The following ADAMTSL1 variants were observed in gnomAD, a reference collection of about 807,000 sequenced individuals.
ADAMTSL1 encodes ADAMTS-like protein 1.
ADAMTSL1 carries 126 observed loss-of-function variants against 201.8 expected under a neutral mutation model. The ratio of observed to expected loss-of-function variants is 0.62; its 90% CI spans 0.54 to 0.72. The LOEUF (loss-of-function observed/expected upper bound fraction) is 0.72, where lower values mean the gene tolerates loss of function less well. Ranked by LOEUF, ADAMTSL1 falls within the 30% of genes least tolerant of loss-of-function variation. The pLI, the probability that ADAMTSL1 is intolerant of heterozygous loss-of-function variation, is 0.00. For missense variants in ADAMTSL1, 2,679 were observed against 2,277.8 expected (o/e 1.18, Z -3.59); for synonymous variants, 1,121 against 903.4 (o/e 1.24, Z -4.32).
At chr9:18,006,218 A>G (rs1245749758) in intron 1 of ADAMTSL1, among the ~76,000 whole-genome samples, 1 of 152,028 alleles carries the variant, frequency 6.6e-6, no homozygotes, top group Non-Finnish European at 1.5e-5. Context: ...CCATTGTATA[A>G]TATTTTACAC....
At chr9:18,249,859 G>T (rs1003309698) in intron 2 of ADAMTSL1, among the ~76,000 whole-genome samples, 2 of 152,166 alleles carry the variant, frequency 1.3e-5, no homozygotes, top group Admixed American at 6.5e-5. Flanking sequence ...ATTGACTAGG[G>T]TGTGATTCAT....
chr9:18,012,265 A>G (rs1276115349), intron 1 of ADAMTSL1, among the ~76,000 whole-genome samples: 5 of 152,000 alleles, frequency 3.3e-5, no homozygotes, highest in Non-Finnish European at 5.9e-5. Flanking sequence ...TCTGACCACC[A>G]ACTCAGATCC....
intron 5 of ADAMTSL1, among the ~76,000 whole-genome samples, chr9:18,626,839 T>TTTTCTTTCTTTCTTTCTTTCTTTCTTTC (rs752168419): frequency 7.5e-6 from 1 of 133,354 alleles, no homozygotes; most frequent in Non-Finnish European, 1.6e-5. Flanking sequence ...CTTACTTTCT[T>TTTTCTTTCTTTCTTTCTTTCTTTCTTTC]TTTCTTTCTT....
At position 18,706,725 on chromosome 9, in the gene ADAMTSL1, CTT is replaced by C. The variant is rs766214100; in HGVS notation, c.1575-21_1575-20del. The C allele has an allele frequency of 7.6e-6, 12 of 1,571,182 alleles. No individual in the cohort carries two copies. In the South Asian group the frequency reaches 1.2e-4, roughly 16 times the overall value. On this transcript the variant is annotated intron_variant, in intron 13 of 28. Transcript: ENST00000380548. ...TGCCTGGGGCTTCTCATCCTGTCCTCTTGTTTGCTTGCCGACTGCAGGTTCAT... is the reference window on the plus strand; with the variant it reads ...TGCCTGGGGCTTCTCATCCTGTCCTCGTTTGCTTGCCGACTGCAGGTTCAT...
chr9:18,557,695 C>G (rs143861977), intron 3 of ADAMTSL1, among the ~76,000 whole-genome samples: 1 of 152,022 alleles, frequency 6.6e-6, no homozygotes, highest in Non-Finnish European at 1.5e-5. Context: ...CTTCTACAAG[C>G]GGTCCATCAT....
chr9:18,848,555 C>G (rs192297417), intron 23 of ADAMTSL1, among the ~76,000 whole-genome samples: 1 of 152,126 alleles, frequency 6.6e-6, no homozygotes, highest in East Asian at 1.9e-4. Flanking sequence ...CTGGAATACC[C>G]TCCCCTACCC....
At chr9:18,888,911 GAGCCAGCT>G (rs1026064870) in intron 24 of ADAMTSL1, among the ~76,000 whole-genome samples, 1 of 152,116 alleles carries the variant, frequency 6.6e-6, no homozygotes, top group African/African-American at 2.4e-5. Context: ...AATTTTCTTG[GAGCCAGCT>G]AGCCTCTGCT....
intron 8 of ADAMTSL1, 115 bp downstream of exon 8, chr9:18,657,865 C>A: frequency 1.2e-6 from 1 of 819,936 alleles, no homozygotes; most frequent in Non-Finnish European, 2.0e-6. Flanking sequence ...TGGACCAGAT[C>A]CTTTCTTCTG....
chr9:18,173,308 G>C (rs1827988312), intron 2 of ADAMTSL1, among the ~76,000 whole-genome samples: 1 of 151,962 alleles, frequency 6.6e-6, no homozygotes, highest in Non-Finnish European at 1.5e-5. Context: ...ATATATTTTT[G>C]CCTCACAATA....
At chr9:18,115,708 C>A (rs746356419) in intron 1 of ADAMTSL1, among the ~76,000 whole-genome samples, 1 of 151,998 alleles carries the variant, frequency 6.6e-6, no homozygotes, top group Non-Finnish European at 1.5e-5. Flanking sequence ...GATGATGTGG[C>A]ATAGAGAGGT....
rs139260980 is a variant in ADAMTSL1 at position 17,939,133 on chromosome 9, A to G, written c.87+32211A>G. The stretch of plus-strand genomic sequence containing the variant: ...ACTCATAGCTTATTTATACAGTTTC[A>G]CAATAACTGCCTTGCTTCCTTTCAG... On this transcript the variant is annotated intron_variant, in intron 1 of 29. Transcript: ENST00000680146. Among the ~76,000 whole-genome samples, 708 of 152,210 alleles carry G rather than the reference A, an allele frequency of 4.7e-3. 6 individuals are homozygous for G. Among genetic ancestry groups the G allele is most frequent in the African/African-American group, 0.016 (676 of 41,534 alleles).
At chr9:18,796,778 A>G (rs140517119) in intron 20 of ADAMTSL1, 2 of 152,254 alleles carry the variant, frequency 1.3e-5, no homozygotes, top group East Asian at 1.9e-4. Flanking sequence ...TCCAGTTGCA[A>G]TCTTTATTCC....
intron 1 of ADAMTSL1, among the ~76,000 whole-genome samples, chr9:17,945,466 G>C (rs1326802090): frequency 6.7e-6 from 1 of 150,000 alleles, no homozygotes; most frequent in African/African-American, 2.5e-5. Flanking sequence ...CCATTACTGG[G>C]TATATACCCA....
rs1332760426 is a variant in ADAMTSL1 at position 18,474,161 on chromosome 9, A to G, written c.-72A>G. The stretch of plus-strand genomic sequence containing the variant: ...ACTGGAGTGTTAGCACCAGTACTGG[A>G]TGTGACAGCAGGCAGAGGAGCACTT... On this transcript the variant is annotated 5_prime_UTR_variant, in exon 1 of 29. An upstream start codon of the reference 5' UTR is lost. Transcript: ENST00000380548. 1 of 1,380,476 alleles carries G rather than the reference A, an allele frequency of 7.2e-7. No homozygotes were observed. The allele number at this position is 1,380,476 out of a possible 1,614,324, so 85.5% of individuals were successfully genotyped here.
chr9:18,612,771 G>A (rs1433985739), intron 4 of ADAMTSL1, among the ~76,000 whole-genome samples: 1 of 152,114 alleles, frequency 6.6e-6, no homozygotes, highest in Non-Finnish European at 1.5e-5. Flanking sequence ...AAAAATCCTG[G>A]AAGACAATGT....
At chr9:18,474,090 C>T (rs1024721339), upstream of ADAMTSL1, 3 of 655,812 alleles carry the variant, frequency 4.6e-6, no homozygotes, top group Non-Finnish European at 5.2e-6. Flanking sequence ...CCACCCACCC[C>T]TCGGTCAGGA....
intron 2 of ADAMTSL1, among the ~76,000 whole-genome samples, chr9:18,425,308 A>G (rs1466765507): frequency 6.6e-6 from 1 of 152,164 alleles, no homozygotes; most frequent in African/African-American, 2.4e-5. Context: ...TTCATAGTTG[A>G]GTAGAACAAC....
intron 2 of ADAMTSL1, among the ~76,000 whole-genome samples, chr9:18,255,223 T>C (rs1831635306): frequency 6.6e-6 from 1 of 152,158 alleles, no homozygotes. Context: ...ATTTGCACAT[T>C]CGTAGGCTGT....
At chr9:18,273,154 A>C (rs1418130768) in intron 2 of ADAMTSL1, among the ~76,000 whole-genome samples, 1 of 152,142 alleles carries the variant, frequency 6.6e-6, no homozygotes, top group East Asian at 1.9e-4. Context: ...ATCTTGGCTC[A>C]CTGCAACCTC....
Sources: gnomAD v4.1 joint callset for allele counts (sites outside exome capture counted in the v4.1 genomes callset) on GRCh38, gnomAD v4.1.1 for gene constraint, MANE v1.5 for transcripts, NCBI Gene and HGNC (gene_info 2026-07-23, HGNC 2026-07-21) for gene names.